PPARGC1A: variants seen among roughly 807,000 people sequenced by gnomAD.
PPARGC1A encodes the protein PPARG coactivator 1 alpha.
Under a neutral mutation model 88.7 loss-of-function variants are expected in PPARGC1A, and 25 were observed. The ratio of observed to expected loss-of-function variants is 0.28; its 90% CI spans 0.21 to 0.39. The LOEUF (loss-of-function observed/expected upper bound fraction) is 0.39, where lower values mean the gene tolerates loss of function less well. Ranked by LOEUF, PPARGC1A falls within the 10% of genes least tolerant of loss-of-function variation. The pLI is 1.00. For missense variants in PPARGC1A, 880 were observed against 968.7 expected, an observed-to-expected ratio of 0.91 and a Z score of 1.22; for synonymous variants, 363 against 355.6, an observed-to-expected ratio of 1.02 and a Z score of -0.24.
the PPARGC1A span, among the ~76,000 whole-genome samples, chr4:24,373,190 T>C: frequency 5.3e-5 from 8 of 152,224 alleles, no homozygotes; most frequent in African/African-American, 1.9e-4. Context: ...GAGAGGCTAA[T>C]GGTCAAAGGG....
the PPARGC1A span, among the ~76,000 whole-genome samples, chr4:23,915,781 G>A: frequency 2.0e-5 from 3 of 152,144 alleles, no homozygotes; most frequent in African/African-American, 4.8e-5. Context: ...CTATGTTGAG[G>A]GGGAGAGACA....
chr4:24,363,096 T>G, the PPARGC1A span, among the ~76,000 whole-genome samples: 2 of 152,204 alleles, frequency 1.3e-5, no homozygotes, highest in African/African-American at 2.4e-5. Flanking sequence ...GTCTGGAGAT[T>G]ATTCCTTTTC....
the PPARGC1A span, among the ~76,000 whole-genome samples, chr4:24,374,671 T>C: frequency 6.6e-6 from 1 of 151,218 alleles, no homozygotes; most frequent in Non-Finnish European, 1.5e-5. Flanking sequence ...ATCAGGGAAA[T>C]GGAAATCAAA....
At chr4:23,979,653 C>A in the PPARGC1A span, among the ~76,000 whole-genome samples, 1 of 152,280 alleles carries the variant, frequency 6.6e-6, no homozygotes, top group African/African-American at 2.4e-5. Context: ...CTTAATGATC[C>A]CAATTCACAA....
the PPARGC1A span, among the ~76,000 whole-genome samples, chr4:24,161,957 G>GATAT: frequency 1.2e-4 from 14 of 115,330 alleles, no homozygotes; most frequent in African/African-American, 6.0e-4. Flanking sequence ...AAGAAATTGT[G>GATAT]ATATACACAC....
the PPARGC1A span, among the ~76,000 whole-genome samples, chr4:24,003,252 G>A: frequency 6.6e-6 from 1 of 152,040 alleles, no homozygotes; most frequent in Non-Finnish European, 1.5e-5. Flanking sequence ...TCCACTACAC[G>A]GTGAAACTTC....
the PPARGC1A span, among the ~76,000 whole-genome samples, chr4:24,369,946 G>A: frequency 3.3e-5 from 5 of 152,326 alleles, no homozygotes; most frequent in South Asian, 2.1e-4. Flanking sequence ...TCCCACAGCA[G>A]TAAGCAATGT....
the PPARGC1A span, among the ~76,000 whole-genome samples, chr4:24,424,860 C>G: frequency 6.6e-6 from 1 of 152,206 alleles, no homozygotes; most frequent in African/African-American, 2.4e-5. Flanking sequence ...GCCGTTGACA[C>G]CTGCTGGGAA....
At chr4:24,318,914 T>C in the PPARGC1A span, among the ~76,000 whole-genome samples, 1 of 152,184 alleles carries the variant, frequency 6.6e-6, no homozygotes, top group African/African-American at 2.4e-5. Context: ...CAAGGTAGGA[T>C]GTGAACCTCA....
the PPARGC1A span, among the ~76,000 whole-genome samples, chr4:24,062,175 T>C: frequency 6.6e-6 from 1 of 152,188 alleles, no homozygotes; most frequent in South Asian, 2.1e-4. Context: ...GACTTGGCCC[T>C]CAGAAAGCAA....
the PPARGC1A span, among the ~76,000 whole-genome samples, chr4:24,264,120 T>C: frequency 1.3e-5 from 2 of 152,208 alleles, no homozygotes; most frequent in Non-Finnish European, 1.5e-5. Flanking sequence ...AGAATACTTA[T>C]ATAAAATATT....
chr4:24,085,836 G>A, the PPARGC1A span, among the ~76,000 whole-genome samples: 1 of 152,154 alleles, frequency 6.6e-6, no homozygotes, highest in African/African-American at 2.4e-5. Context: ...TCTGGATCCA[G>A]GCTGCTTGGG....
the PPARGC1A span, among the ~76,000 whole-genome samples, chr4:24,312,829 C>T: frequency 2.0e-5 from 3 of 151,854 alleles, no homozygotes; most frequent in Non-Finnish European, 4.4e-5. Context: ...GTAATTTTAT[C>T]ATGAAGAATC....
At chr4:24,294,067 C>A in the PPARGC1A span, among the ~76,000 whole-genome samples, 1 of 152,130 alleles carries the variant, frequency 6.6e-6, no homozygotes, top group East Asian at 1.9e-4. Context: ...AACTTGTCCC[C>A]AAACACACAG....
the PPARGC1A span, among the ~76,000 whole-genome samples, chr4:24,058,621 A>C: frequency 1.3e-5 from 2 of 152,162 alleles, no homozygotes; most frequent in Non-Finnish European, 2.9e-5. Flanking sequence ...ACGAGTGAAA[A>C]ACGTGGCTGA....
chr4:23,900,248 A>G (rs1461756945), upstream of PPARGC1A, among the ~76,000 whole-genome samples: 2 of 152,132 alleles, frequency 1.3e-5, no homozygotes, highest in African/African-American at 4.8e-5. Flanking sequence ...GAATATTACA[A>G]CTCTAAAATT....
chr4:24,337,677 T>C, the PPARGC1A span, among the ~76,000 whole-genome samples: 1 of 142,316 alleles, frequency 7.0e-6, no homozygotes, highest in Non-Finnish European at 1.5e-5. Flanking sequence ...GGAGATCTTA[T>C]TGCTCTTTTA....
the PPARGC1A span, among the ~76,000 whole-genome samples, chr4:24,472,663 T>TGCCGCC: frequency 7.1e-3 from 1,082 of 151,604 alleles, 13 homozygotes; most frequent in African/African-American, 0.023. This position sits in a 1 kb window ranked among gnomAD's most constrained non-coding sequence, Gnocchi z 4.5. Context: ...ATGCTCGGGC[T>TGCCGCC]GCCGCCGCCG....
chr4:24,001,470 C>T, the PPARGC1A span, among the ~76,000 whole-genome samples: 14 of 152,144 alleles, frequency 9.2e-5, no homozygotes, highest in East Asian at 1.7e-3. Context: ...TAAGTGAGAA[C>T]GTCTTCAAAA....
Sources: allele counts gnomAD v4.1 joint callset (sites outside exome capture counted in the v4.1 genomes callset), GRCh38; gene constraint gnomAD v4.1.1; non-coding constraint Gnocchi (gnomAD v3.1); transcripts MANE v1.5; gene names NCBI Gene and HGNC (gene_info 2026-07-23, HGNC 2026-07-21).